FBXO43: variants seen among roughly 807,000 people sequenced by gnomAD.
The protein encoded by FBXO43 is F-box protein 43.
A neutral mutation model predicts 56.7 loss-of-function variants in FBXO43; 22 were observed. The ratio of observed to expected loss-of-function variants is 0.39; its 90% CI spans 0.28 to 0.55. The LOEUF (loss-of-function observed/expected upper bound fraction) is 0.55, where lower values mean the gene tolerates loss of function less well. Among genes scored for constraint, FBXO43 ranks in the 20% least tolerant of loss-of-function variants. FBXO43 has a pLI of 0.66. For synonymous variants in FBXO43, 306 were observed against 294.5 expected (o/e 1.04, Z -0.40); for missense variants, 733 against 814.9 (o/e 0.90, Z 1.22).
In FBXO43 at chr8:100,133,587, C is replaced by T. The variant is rs1414588915; in HGVS notation, c.*215G>A. 4.6e-6 allele frequency: 2 copies of T among 430,456 alleles called. No homozygotes were observed. Among genetic ancestry groups the T allele is most frequent in the Non-Finnish European group, 8.0e-6 (2 of 249,750 alleles). The allele number at this position is 430,456 out of a possible 1,614,324, so 26.7% of individuals were successfully genotyped here. On this transcript the variant is annotated 3_prime_UTR_variant, in exon 5 of 5. Coordinates refer to ENST00000428847, the MANE Select transcript of FBXO43 (RefSeq NM_001029860.4). ...CAATGAAAATTCTTTATTTAAAATA[C>T]CAAGTTATTAAAATGGGTAAAATGA...
intron 1 of FBXO43, among the ~76,000 whole-genome samples, chr8:100,144,722 G>A (rs1814767810): frequency 1.3e-5 from 2 of 151,514 alleles, no homozygotes; most frequent in African/African-American, 4.8e-5. Context: ...ACGAGGTCAG[G>A]AGAGCGAGAC....
upstream of FBXO43, among the ~76,000 whole-genome samples, chr8:100,147,174 G>A (rs1254901273): frequency 3.3e-5 from 5 of 150,820 alleles, no homozygotes; most frequent in East Asian, 5.9e-4. Flanking sequence ...TTCCAACTAT[G>A]TGCCAATTAC....
In FBXO43 at chr8:100,140,928, G is replaced by A; in HGVS notation, c.1326C>T (p.Ala442=). ...TGAACAGCTCATGTACCAATTGCAAGGCTGGGGTCTTTGATAAATTCTTTA... is the reference window on the plus strand; with the variant it reads ...TGAACAGCTCATGTACCAATTGCAAAGCTGGGGTCTTTGATAAATTCTTTA... ...FSLKNLSKTP[A]LQLVHELFMK... is the part of the protein sequence containing the mutation. The change falls in exon 2 of 5, where the codon GCC becomes GCT. Residue 442 remains alanine (A), a synonymous_variant. Coordinates refer to ENST00000428847, the MANE Select transcript of FBXO43 (RefSeq NM_001029860.4). The A allele has an allele frequency of 6.2e-7, 1 of 1,614,152 alleles. No homozygotes were observed. Among genetic ancestry groups the A allele is most frequent in the Non-Finnish European group, 8.5e-7 (1 of 1,180,030 alleles).
intron 3 of FBXO43, among the ~76,000 whole-genome samples, chr8:100,136,000 C>T (rs1586340524): frequency 6.6e-6 from 1 of 151,614 alleles, no homozygotes; most frequent in East Asian, 1.9e-4. Flanking sequence ...CAACAATATG[C>T]TTCTTCCTTA....
intron 2 of FBXO43, among the ~76,000 whole-genome samples, chr8:100,139,497 G>T (rs537284541): frequency 6.6e-6 from 1 of 152,264 alleles, no homozygotes; most frequent in African/African-American, 2.4e-5. Context: ...TACCTATCAA[G>T]AAAGAGGCTC....
At position 100,141,289 on chromosome 8, in the gene FBXO43, G is replaced by A. The variant is rs112728485; in HGVS notation, c.965C>T (p.Pro322Leu). Residue 322 changes from proline (P) to leucine (L), a missense_variant, in exon 2 of 5, where the codon CCT becomes CTT. By Grantham distance (98) the Pro-to-Leu change is moderately conservative. Transcript: ENST00000428847. Reference protein sequence around the residue: ...FNASQILSPSPEVRGSISTPE... With the variant: ...FNASQILSPSLEVRGSISTPE... ...CGTTGAAATACTGCCTCTCACTTCA[G>A]GTGAAGGAGAAAGTATTTGACTTGC... The A allele has an allele frequency of 1.1e-5, 18 of 1,614,128 alleles. No homozygotes were observed. The African/African-American group carries it at 1.6e-4, about 14-fold the overall frequency.
chr8:100,149,920 T>C (rs1377745222), upstream of FBXO43, among the ~76,000 whole-genome samples: 1 of 152,236 alleles, frequency 6.6e-6, no homozygotes, highest in East Asian at 1.9e-4. Flanking sequence ...TGAACCCAAC[T>C]GATCCATCAT....
At chr8:100,135,932 T>C (rs927072213) in intron 3 of FBXO43, among the ~76,000 whole-genome samples, 7 of 152,024 alleles carry the variant, frequency 4.6e-5, no homozygotes, top group Non-Finnish European at 8.8e-5. Flanking sequence ...CTTTTCTTTT[T>C]TTTTTTTTTG....
At chr8:100,144,653 C>T (rs1399154463) in intron 1 of FBXO43, among the ~76,000 whole-genome samples, 1 of 148,002 alleles carries the variant, frequency 6.8e-6, no homozygotes, top group African/African-American at 2.5e-5. Context: ...AAGCAGCGGC[C>T]GGGCGCGGTG....
rs753174786 is a variant in FBXO43, at chr8:100,141,907, G to A, written c.347C>T (p.Thr116Ile). ...TTGAGTGGGAGATTCTAAAGGATGT[G>A]TTAAGCCCAGGCCTGAAGTTTCAGG... ...EHPETSGLGLTHPLESPTQKK... is the reference protein window; with the variant it reads ...EHPETSGLGLIHPLESPTQKK... Residue 116 changes from threonine (T) to isoleucine (I), a missense_variant, in exon 2 of 5, where the codon ACA becomes ATA. Transcript: ENST00000428847. 4 of 1,591,526 alleles carry A rather than the reference G, an allele frequency of 2.5e-6. No homozygotes were observed. Among genetic ancestry groups the A allele is most frequent in the South Asian group, 2.3e-5 (2 of 85,600 alleles).
chr8:100,136,399 T>C (rs1814472516), intron 3 of FBXO43, among the ~76,000 whole-genome samples: 1 of 152,266 alleles, frequency 6.6e-6, no homozygotes, highest in Non-Finnish European at 1.5e-5. Context: ...TAAATATTTT[T>C]CGCTAGAACA....
At chr8:100,149,714 C>T (rs924061332), upstream of FBXO43, among the ~76,000 whole-genome samples, 2 of 152,048 alleles carry the variant, frequency 1.3e-5, no homozygotes, top group African/African-American at 4.8e-5. Flanking sequence ...GGATGGAGGG[C>T]CCGAAAGGAG....
intron 1 of FBXO43, among the ~76,000 whole-genome samples, chr8:100,144,812 G>A (rs2935116): frequency 6.6e-6 from 1 of 151,366 alleles, no homozygotes; most frequent in Admixed American, 6.6e-5. Context: ...GGCGCCTGTA[G>A]TCCCAGCTAC....
chr8:100,149,083 T>C (rs1215126340), upstream of FBXO43, among the ~76,000 whole-genome samples: 1 of 152,222 alleles, frequency 6.6e-6, no homozygotes, highest in African/African-American at 2.4e-5. Context: ...GATAATAGTG[T>C]AGCTTACACT....
intron 2 of FBXO43, among the ~76,000 whole-genome samples, chr8:100,140,001 C>A (rs969343674): frequency 6.6e-6 from 1 of 152,300 alleles, no homozygotes. Context: ...TTTAATACTG[C>A]TTGCAATCTG....
Position 100,141,297 on chromosome 8 carries a change from A to T in FBXO43, c.957T>A (p.Ser319=). ...NIRFNASQIL[S]PSPEVRGSIS... ...TACTGCCTCTCACTTCAGGTGAAGG[A>T]GAAAGTATTTGACTTGCGTTAAATC... Residue 319 remains serine (S), a synonymous_variant, in exon 2 of 5, where the codon TCT becomes TCA. Transcript: ENST00000428847. 1.2e-6 allele frequency: 2 copies of T among 1,614,160 alleles called. No homozygotes were observed. The highest frequency in any genetic ancestry group is 2.2e-5 in the South Asian group (2 of 91,088).
At position 100,140,732 on chromosome 8, in the gene FBXO43, G is replaced by T; in HGVS notation, c.1522C>A (p.His508Asn). The T allele has an allele frequency of 6.2e-7, 1 of 1,612,904 alleles. No individual in the cohort carries two copies. The highest frequency in any genetic ancestry group is 1.1e-5 in the South Asian group (1 of 90,772). ...GACTCTAAAACCATAGCAAGAATAT[G>T]CTTTAAATTTCTATATTTTAATTCT... ...LTELKYRNLK[H>N]ILAMVLESLT... The change falls in exon 2 of 5, where the codon CAT (histidine) becomes AAT (asparagine). Residue 508 changes from histidine (H) to asparagine (N), a missense_variant. His to Asn is a moderately conservative substitution (Grantham distance 68). Coordinates refer to ENST00000428847, the MANE Select transcript of FBXO43 (RefSeq NM_001029860.4).
Position 100,133,587 on chromosome 8 carries a change from C to G in FBXO43, c.*215G>C, listed in dbSNP as rs1414588915. 1 of 430,336 alleles carries G rather than the reference C, an allele frequency of 2.3e-6. No individual in the cohort carries two copies. The highest frequency in any genetic ancestry group is 4.0e-6 in the Non-Finnish European group (1 of 249,758). 26.7% of individuals were successfully genotyped at this position (430,336 alleles called of 1,614,324 possible). On this transcript the variant is annotated 3_prime_UTR_variant, in exon 5 of 5. Transcript: ENST00000428847. ...CAATGAAAATTCTTTATTTAAAATA[C>G]CAAGTTATTAAAATGGGTAAAATGA...
rs772931175 is a variant in FBXO43, at chr8:100,140,979, A to C, written c.1275T>G (p.Asp425Glu). 8 of 1,614,198 alleles carry C rather than the reference A, an allele frequency of 5.0e-6. No homozygotes were observed. The South Asian group carries it at 7.7e-5, about 16-fold the overall frequency. The change falls in exon 2 of 5, where the codon GAT becomes GAG. Residue 425 changes from aspartate to glutamate, a missense_variant. Asp to Glu is a conservative substitution (Grantham distance 45). Transcript: ENST00000428847. ...SAISEGQLSS[D>E]ESGDLTFSLK... Reference sequence around the variant, plus strand: ...AGCTAAAGGTCAAATCCCCACTCTCATCACTACTCAGCTGACCCTCTGAGA... The same window carrying C: ...AGCTAAAGGTCAAATCCCCACTCTCCTCACTACTCAGCTGACCCTCTGAGA...
Sources: allele counts gnomAD v4.1 joint callset (sites outside exome capture counted in the v4.1 genomes callset), GRCh38; gene constraint gnomAD v4.1.1; transcripts MANE v1.5; gene names NCBI Gene and HGNC (gene_info 2026-07-23, HGNC 2026-07-21).